PHACTR3: variants seen among roughly 807,000 people sequenced by gnomAD.
PHACTR3 encodes protein phosphatase 1, regulatory subunit 123.
Under a neutral mutation model 66.8 loss-of-function variants are expected in PHACTR3, and 16 were observed. The observed-to-expected ratio is 0.24, with a 90% CI of 0.16 to 0.36. The LOEUF is 0.36. Ranked by LOEUF, PHACTR3 falls within the 10% of genes least tolerant of loss-of-function variation. The probability of loss-of-function intolerance (pLI) is 1.00; values close to 1 mark genes in which losing one functional copy is unlikely to be tolerated. For synonymous variants in PHACTR3, 323 were observed against 292.1 expected (o/e 1.11, Z -1.08); for missense variants, 647 against 719.9 (o/e 0.90, Z 1.16).
At chr20:59,667,588 G>A (rs1003072938) in intron 1 of PHACTR3, among the ~76,000 whole-genome samples, 3 of 152,168 alleles carry the variant, frequency 2.0e-5, no homozygotes, top group African/African-American at 7.2e-5. Context: ...AAGACAGAAG[G>A]GATTTTTCTG....
At chr20:59,689,417 G>A (rs1232880198) in intron 1 of PHACTR3, among the ~76,000 whole-genome samples, 2 of 152,250 alleles carry the variant, frequency 1.3e-5, no homozygotes, top group Non-Finnish European at 2.9e-5. Context: ...CTGAGGAGTT[G>A]TTGAGTCCTG....
chr20:59,836,213 A>C, intron 8 of PHACTR3: 1 of 390,032 alleles, frequency 2.6e-6, no homozygotes. Context: ...TGAACAGTCC[A>C]GACCAGGCAA....
At chr20:59,798,225 T>C (rs2041309374) in intron 7 of PHACTR3, among the ~76,000 whole-genome samples, 1 of 147,508 alleles carries the variant, frequency 6.8e-6, no homozygotes, top group South Asian at 2.1e-4. Context: ...GAAGCCCTTT[T>C]TTAAGGGCCT....
chr20:59,767,340 A>G lies in PHACTR3; in HGVS notation c.696A>G (p.Pro232=), dbSNP rs781713982. The G allele has an allele frequency of 4.3e-6, 7 of 1,613,884 alleles. No individual in the cohort carries two copies. The highest frequency in any genetic ancestry group is 5.9e-6 in the Non-Finnish European group (7 of 1,180,018). ...CCGTGGGCCAGCTCCCCAGCCCCCC[A>G]CTGCTGCCCACTCCGCCACCCAAGG... ...ERSVGQLPSP[P]LLPTPPPKAS... The change falls in exon 5 of 13, where the codon CCA becomes CCG. Residue 232 remains proline, a synonymous_variant. Coordinates refer to ENST00000371015, the MANE Select transcript of PHACTR3 (RefSeq NM_080672.5).
At chr20:59,701,940 A>T (rs1568726256) in intron 1 of PHACTR3, among the ~76,000 whole-genome samples, 1 of 152,338 alleles carries the variant, frequency 6.6e-6, no homozygotes, top group Non-Finnish European at 1.5e-5. Context: ...CCAAGATGTC[A>T]TATAGATTGA....
chr20:59,600,144 G>GTT (rs1397376507), upstream of PHACTR3, among the ~76,000 whole-genome samples: 9 of 152,170 alleles, frequency 5.9e-5, no homozygotes, highest in African/African-American at 1.9e-4. Flanking sequence ...TGTTCCCTCT[G>GTT]CCCGGGGCGC....
At chr20:59,782,048 GAC>G (rs1376157892) in intron 7 of PHACTR3, among the ~76,000 whole-genome samples, 1 of 152,142 alleles carries the variant, frequency 6.6e-6, no homozygotes, top group African/African-American at 2.4e-5. Flanking sequence ...GGAGAAACTA[GAC>G]ACAGTCTCCA....
chr20:59,785,227 G>T lies in PHACTR3; in HGVS notation c.1174+10737G>T, dbSNP rs150160331. Among the ~76,000 whole-genome samples the T allele has an allele frequency of 1.6e-4, 24 of 152,290 alleles. No individual in the cohort carries two copies. In the East Asian group the frequency reaches 4.3e-3, roughly 27 times the overall value. On this transcript the variant is annotated intron_variant, in intron 7 of 12. Coordinates refer to ENST00000371015, the MANE Select transcript of PHACTR3 (RefSeq NM_080672.5). ...GTGATTTCCAGTGAGGCCTCTCTCTGTGTCTTTATAGGGCCGTTCCCCTGT... is the reference window on the plus strand; with the variant it reads ...GTGATTTCCAGTGAGGCCTCTCTCTTTGTCTTTATAGGGCCGTTCCCCTGT...
rs76034352 is a variant in PHACTR3, at chr20:59,666,259, C to T, written c.118+61127C>T. Among the ~76,000 whole-genome samples, 1,277 of 152,316 alleles carry T rather than the reference C, an allele frequency of 8.4e-3. 22 individuals are homozygous for T. Among genetic ancestry groups the T allele is most frequent in the African/African-American group, 0.029 (1,220 of 41,556 alleles). On this transcript the variant is annotated intron_variant, in intron 1 of 12. Coordinates refer to ENST00000371015, the MANE Select transcript of PHACTR3 (RefSeq NM_080672.5). ...ATTGTGTCCTGCCATCTCCTCCCTG[C>T]GCCACATCTCCTGTTCAGCTCTATG...
intron 7 of PHACTR3, among the ~76,000 whole-genome samples, chr20:59,786,946 A>G (rs2040937185): frequency 6.6e-6 from 1 of 150,828 alleles, no homozygotes; most frequent in East Asian, 1.9e-4. Context: ...TTTTTTCAGG[A>G]AGTATGCAGG....
intron 8 of PHACTR3, among the ~76,000 whole-genome samples, chr20:59,826,854 A>ATGACATT (rs1486734221): frequency 1.3e-5 from 2 of 152,170 alleles, no homozygotes; most frequent in African/African-American, 2.4e-5. Flanking sequence ...GTCACTGTGA[A>ATGACATT]TGACATTCTC....
At chr20:59,676,280 G>C (rs1431380918) in intron 1 of PHACTR3, among the ~76,000 whole-genome samples, 1 of 152,236 alleles carries the variant, frequency 6.6e-6, no homozygotes, top group Non-Finnish European at 1.5e-5. Flanking sequence ...TGGTTCAGGT[G>C]GTTTCTGCCA....
intron 1 of PHACTR3, among the ~76,000 whole-genome samples, chr20:59,649,489 C>T (rs1336708821): frequency 6.6e-6 from 1 of 152,010 alleles, no homozygotes; most frequent in Non-Finnish European, 1.5e-5. Context: ...ATAAATTATA[C>T]TAGGTGGATT....
chr20:59,840,656 A>G (rs899565789), intron 10 of PHACTR3, among the ~76,000 whole-genome samples: 5 of 152,264 alleles, frequency 3.3e-5, no homozygotes, highest in Non-Finnish European at 5.9e-5. Flanking sequence ...TAGCACTTGG[A>G]GAGGTGCACA....
intron 8 of PHACTR3, among the ~76,000 whole-genome samples, chr20:59,814,861 G>T (rs1028735463): frequency 6.6e-6 from 1 of 152,110 alleles, no homozygotes; most frequent in Non-Finnish European, 1.5e-5. Flanking sequence ...AGCCTGTGGG[G>T]CCTCCGCGGT....
intron 1 of PHACTR3, among the ~76,000 whole-genome samples, chr20:59,686,524 T>C (rs1027603249): frequency 6.8e-6 from 1 of 146,434 alleles, no homozygotes; most frequent in Non-Finnish European, 1.5e-5. Context: ...GATTGTGATG[T>C]TGATGGTGAT....
chr20:59,660,854 C>G (rs1171075930), intron 1 of PHACTR3, among the ~76,000 whole-genome samples: 1 of 152,202 alleles, frequency 6.6e-6, no homozygotes, highest in Non-Finnish European at 1.5e-5. Flanking sequence ...ATACAATAGT[C>G]ATTGCCTTTG....
intron 8 of PHACTR3, among the ~76,000 whole-genome samples, chr20:59,813,408 G>A (rs1046853004): frequency 4.6e-5 from 7 of 152,180 alleles, no homozygotes; most frequent in Admixed American, 4.6e-4. Context: ...ACCTACAGGG[G>A]GAGGCTGCAC....
At chr20:59,796,169 T>G (rs1007497073) in intron 7 of PHACTR3, among the ~76,000 whole-genome samples, 1 of 152,080 alleles carries the variant, frequency 6.6e-6, no homozygotes, top group African/African-American at 2.4e-5. Context: ...ATATAAAAAA[T>G]TATAAAGTTA....
Sources: gnomAD v4.1 joint callset for allele counts (sites outside exome capture counted in the v4.1 genomes callset) on GRCh38, gnomAD v4.1.1 for gene constraint, MANE v1.5 for transcripts, NCBI Gene and HGNC (gene_info 2026-07-23, HGNC 2026-07-21) for gene names.